The following DSCAML1 variants were observed in gnomAD, a reference collection of about 807,000 sequenced individuals.
DSCAML1 encodes cell adhesion molecule DSCAML1.
Under a neutral mutation model 200.5 loss-of-function variants are expected in DSCAML1, and 38 were observed. That is an observed-to-expected ratio of 0.19 (90% CI 0.15 to 0.25). DSCAML1 has a LOEUF of 0.25. Ranked by LOEUF, DSCAML1 falls within the 10% of genes least tolerant of loss-of-function variation. The pLI, the probability that DSCAML1 is intolerant of heterozygous loss-of-function variation, is 1.00. For synonymous variants in DSCAML1, 1,215 were observed against 1,165.0 expected (o/e 1.04, Z -0.87); for missense variants, 2,223 against 2,858.8 (o/e 0.78, Z 5.07).
chr11:117,551,125 C>T (rs1239586607), intron 3 of DSCAML1, among the ~76,000 whole-genome samples: 1 of 152,110 alleles, frequency 6.6e-6, no homozygotes, highest in African/African-American at 2.4e-5. Context: ...GGTTGAAGGG[C>T]CATAAAGTTT....
rs374051828 is a variant in DSCAML1 at position 117,536,724 on chromosome 11, C to CTTGA, written c.512-4206_512-4203dup. On this transcript the variant is annotated intron_variant, in intron 3 of 32. Transcript: ENST00000651296. The stretch of plus-strand genomic sequence containing the variant: ...AATGCTGACTGTGCCCTTGACATTG[C>CTTGA]TTGATTGATTGACATATTTCAAAGG... Among the ~76,000 whole-genome samples the CTTGA allele has an allele frequency of 1.4e-3, 211 of 152,246 alleles. 1 individual carries two copies. The highest frequency in any genetic ancestry group is 7.3e-3 in the East Asian group (38 of 5,174).
intron 3 of DSCAML1, among the ~76,000 whole-genome samples, chr11:117,746,254 C>T (rs574742998): frequency 3.2e-4 from 46 of 144,484 alleles, no homozygotes; most frequent in African/African-American, 1.1e-3. Flanking sequence ...AAGTGCCTGG[C>T]ACATAGTGCT....
chr11:117,561,560 TA>T (rs2050663656), intron 3 of DSCAML1, among the ~76,000 whole-genome samples: 1 of 152,216 alleles, frequency 6.6e-6, no homozygotes, highest in Non-Finnish European at 1.5e-5. Flanking sequence ...AACCTCTTCC[TA>T]TAGCGCCCCT....
intron 3 of DSCAML1, among the ~76,000 whole-genome samples, chr11:117,715,597 G>A (rs553933412): frequency 4.6e-5 from 7 of 152,312 alleles, no homozygotes; most frequent in East Asian, 1.9e-4. Context: ...TCTTGTGAAC[G>A]TTTGAATCCC....
intron 3 of DSCAML1, among the ~76,000 whole-genome samples, chr11:117,742,261 T>C (rs891421542): frequency 1.3e-5 from 2 of 152,160 alleles, no homozygotes; most frequent in Non-Finnish European, 2.9e-5. Flanking sequence ...CCCAAGACTG[T>C]AGACGGTGCT....
chr11:117,486,275 G>A (rs909333244), intron 11 of DSCAML1, among the ~76,000 whole-genome samples: 58 of 123,360 alleles, frequency 4.7e-4, no homozygotes, highest in African/African-American at 1.2e-3. Flanking sequence ...GGATGGGAAA[G>A]TGGCGGATGT....
chr11:117,721,273 T>C (rs1210847893), intron 3 of DSCAML1, among the ~76,000 whole-genome samples: 16 of 152,212 alleles, frequency 1.1e-4, no homozygotes, highest in Non-Finnish European at 2.2e-4. Context: ...AAGAACTTCT[T>C]CTCAACTGAA....
intron 1 of DSCAML1, among the ~76,000 whole-genome samples, chr11:117,793,520 A>G (rs994644684): frequency 3.3e-5 from 5 of 152,162 alleles, no homozygotes; most frequent in African/African-American, 1.2e-4. Context: ...GACACAGAGA[A>G]GGTCAGGAAG....
At chr11:117,787,164 A>G (rs193264809) in intron 1 of DSCAML1, among the ~76,000 whole-genome samples, 339 of 152,282 alleles carry the variant, frequency 2.2e-3, no homozygotes, top group Non-Finnish European at 3.6e-3. Flanking sequence ...CCCAGGCAAG[A>G]CTGCCTCACC....
intron 1 of DSCAML1, among the ~76,000 whole-genome samples, chr11:117,786,780 T>C (rs2055361509): frequency 6.6e-6 from 1 of 152,192 alleles, no homozygotes. Context: ...TTACAATATT[T>C]ACTCATCTCA....
At chr11:117,787,793 T>G (rs1387896394) in intron 1 of DSCAML1, among the ~76,000 whole-genome samples, 1 of 152,198 alleles carries the variant, frequency 6.6e-6, no homozygotes, top group Non-Finnish European at 1.5e-5. Flanking sequence ...TCCCAGGCCT[T>G]ACGCAGAGTT....
At chr11:117,525,779 C>T (rs529993494) in intron 4 of DSCAML1, among the ~76,000 whole-genome samples, 1 of 152,270 alleles carries the variant, frequency 6.6e-6, no homozygotes, top group Admixed American at 6.5e-5. Context: ...GATTCTGGCC[C>T]AGGCTGTAGA....
At chr11:117,464,395 C>T (rs2048538579) in intron 17 of DSCAML1, among the ~76,000 whole-genome samples, 1 of 152,138 alleles carries the variant, frequency 6.6e-6, no homozygotes, top group African/African-American at 2.4e-5. Flanking sequence ...CCCTCTCCTC[C>T]TGGAGAGACT....
chr11:117,761,072 C>G (rs1314501762), intron 3 of DSCAML1, among the ~76,000 whole-genome samples: 1 of 152,172 alleles, frequency 6.6e-6, no homozygotes, highest in African/African-American at 2.4e-5. Context: ...AAGGGGGTCT[C>G]ATATCTGGAT....
intron 29 of DSCAML1, 138 bp downstream of exon 29, chr11:117,433,000 C>T (rs2047834265): frequency 8.2e-6 from 6 of 733,074 alleles, no homozygotes; most frequent in Admixed American, 6.5e-5. Flanking sequence ...ACAGTGAGTT[C>T]TAAGGTTGTT....
chr11:117,494,859 C>T (rs1009461698), intron 11 of DSCAML1, among the ~76,000 whole-genome samples: 5 of 152,234 alleles, frequency 3.3e-5, no homozygotes, highest in Admixed American at 2.0e-4. Flanking sequence ...GTCTACAGTG[C>T]GAGCAACATC....
intron 3 of DSCAML1, among the ~76,000 whole-genome samples, chr11:117,636,610 C>A (rs495258): frequency 6.6e-6 from 1 of 152,158 alleles, no homozygotes; most frequent in Non-Finnish European, 1.5e-5. Flanking sequence ...AGCCACACTT[C>A]CCCCTGCCTC....
chr11:117,595,166 G>A lies in DSCAML1; in HGVS notation c.512-62644C>T, dbSNP rs116602235. Among the ~76,000 whole-genome samples, 449 of 152,110 alleles carry A rather than the reference G, an allele frequency of 3.0e-3. 3 individuals are homozygous for A. The highest frequency in any genetic ancestry group is 0.01 in the African/African-American group (430 of 41,464). On this transcript the variant is annotated intron_variant, in intron 3 of 32. Coordinates refer to ENST00000651296, the MANE Select transcript of DSCAML1 (RefSeq NM_020693.4). ...GCTACAGAAGCACTTTAATGAGGAAGGCTTTCTTCATAGCAGAGGGGGAGG... is the reference window on the plus strand; with the variant it reads ...GCTACAGAAGCACTTTAATGAGGAAAGCTTTCTTCATAGCAGAGGGGGAGG...
intron 3 of DSCAML1, among the ~76,000 whole-genome samples, chr11:117,689,604 G>A (rs148018531): frequency 1.2e-4 from 19 of 152,248 alleles, no homozygotes; most frequent in African/African-American, 3.6e-4. Context: ...GACATAGAGT[G>A]GGGGTGAAGG....
Sources: allele counts gnomAD v4.1 joint callset (sites outside exome capture counted in the v4.1 genomes callset), GRCh38; gene constraint gnomAD v4.1.1; transcripts MANE v1.5; gene names NCBI Gene and HGNC (gene_info 2026-07-23, HGNC 2026-07-21).